MYO5B: variants seen among roughly 807,000 people sequenced by gnomAD.
MYO5B encodes the protein myosin VB.
A neutral mutation model predicts 229.3 loss-of-function variants in MYO5B; 143 were observed. The ratio of observed to expected loss-of-function variants is 0.62; its 90% CI spans 0.54 to 0.72. The LOEUF is 0.72. Ranked by LOEUF, MYO5B falls within the 30% of genes least tolerant of loss-of-function variation. The probability of loss-of-function intolerance (pLI) is 0.00; values close to 1 mark genes in which losing one functional copy is unlikely to be tolerated. For synonymous variants in MYO5B, 918 were observed against 885.2 expected (o/e 1.04, Z -0.66); for missense variants, 2,321 against 2,331.0 (o/e 1.00, Z 0.09).
chr18:49,990,655 T>C, intron 6 of MYO5B, 135 bp from the exon 7 acceptor site: 1 of 724,578 alleles, frequency 1.4e-6, no homozygotes, highest in Non-Finnish European at 2.5e-6. Context: ...TCCACACCTC[T>C]GCCACCTTCA....
rs202090244 is a variant in MYO5B at position 49,835,363 on chromosome 18, G to C, written c.5375C>G (p.Ala1792Gly). The C allele has an allele frequency of 1.2e-6, 2 of 1,610,364 alleles. No individual in the cohort carries two copies. Among genetic ancestry groups the C allele is most frequent in the African/African-American group, 2.7e-5 (2 of 74,930 alleles). The change falls in exon 39 of 40, where the codon GCC becomes GGC. Residue 1792 changes from alanine to glycine, a missense_variant. This residue lies in a region of MYO5B where 208 missense variants were observed against 286.3 expected (regional missense o/e 0.73). Transcript: ENST00000285039. ...ACTCACCTGGATTGTTCGTATAAAG[G>C]CCACTGTTACCCGTTCTTCAAATTC... is the stretch of plus-strand genomic sequence containing the variant. ...LNEFEERVTV[A>G]FIRTIQAQLQ...
intron 1 of MYO5B, among the ~76,000 whole-genome samples, chr18:50,103,512 G>C (rs111440059): frequency 3.9e-4 from 59 of 152,310 alleles, no homozygotes; most frequent in African/African-American, 1.4e-3. Flanking sequence ...CACTTTGGGA[G>C]GCCAAGGTGG....
chr18:50,029,276 G>T (rs2026363840), intron 4 of MYO5B, among the ~76,000 whole-genome samples: 1 of 152,184 alleles, frequency 6.6e-6, no homozygotes, highest in Non-Finnish European at 1.5e-5. Context: ...GAGAGACCCA[G>T]GTGAGCAGGG....
At chr18:50,131,498 A>G (rs2032254066) in intron 1 of MYO5B, among the ~76,000 whole-genome samples, 1 of 152,210 alleles carries the variant, frequency 6.6e-6, no homozygotes, top group African/African-American at 2.4e-5. Flanking sequence ...CTTCCTACAG[A>G]CACTTTCAAT....
At chr18:49,955,188 C>A (rs2025479361) in intron 12 of MYO5B, among the ~76,000 whole-genome samples, 1 of 152,258 alleles carries the variant, frequency 6.6e-6, no homozygotes, top group South Asian at 2.1e-4. Context: ...GCATCTCTCA[C>A]TGTCTAAAGT....
intron 1 of MYO5B, among the ~76,000 whole-genome samples, chr18:50,117,328 C>T (rs1275563859): frequency 6.6e-6 from 1 of 152,026 alleles, no homozygotes; most frequent in Non-Finnish European, 1.5e-5. Context: ...TTTATTTCTT[C>T]AAGGCTCTTC....
chr18:49,866,875 G>T (rs568435121), intron 27 of MYO5B, among the ~76,000 whole-genome samples: 1 of 152,306 alleles, frequency 6.6e-6, no homozygotes, highest in East Asian at 1.9e-4. Flanking sequence ...GACTCAGAGG[G>T]GTAGGGCCAG....
chr18:49,891,913 C>A (rs1448357793), intron 22 of MYO5B, among the ~76,000 whole-genome samples: 1 of 152,212 alleles, frequency 6.6e-6, no homozygotes, highest in Non-Finnish European at 1.5e-5. Context: ...GCCTGCTAGT[C>A]ATCTCTCACA....
At chr18:50,167,227 G>A (rs2032864996) in intron 1 of MYO5B, among the ~76,000 whole-genome samples, 1 of 152,196 alleles carries the variant, frequency 6.6e-6, no homozygotes, top group Non-Finnish European at 1.5e-5. Flanking sequence ...CTGCCTACTA[G>A]TGTAAATTCA....
intron 26 of MYO5B, among the ~76,000 whole-genome samples, chr18:49,874,861 G>A (rs1266750216): frequency 2.0e-5 from 3 of 152,134 alleles, no homozygotes; most frequent in Non-Finnish European, 2.9e-5. Context: ...CCTTAGCACT[G>A]CTATAGTCAA....
intron 9 of MYO5B, 98 bp downstream of exon 9, chr18:49,980,346 C>G (rs1003956183): frequency 1.1e-6 from 1 of 884,528 alleles, no homozygotes; most frequent in African/African-American, 1.7e-5. Flanking sequence ...GAATAAATAA[C>G]CTATGAGTGT....
intron 4 of MYO5B, among the ~76,000 whole-genome samples, chr18:50,023,210 T>C (rs755191533): frequency 6.6e-5 from 10 of 151,842 alleles, no homozygotes; most frequent in African/African-American, 2.2e-4. Context: ...TCTAAGAACA[T>C]TGCGTCATCA....
intron 1 of MYO5B, among the ~76,000 whole-genome samples, chr18:50,058,740 G>A (rs1275668858): frequency 6.6e-6 from 1 of 152,086 alleles, no homozygotes; most frequent in Admixed American, 6.5e-5. Context: ...GAGTCCGGGA[G>A]GCGGAGGTTG....
At position 50,194,846 on chromosome 18, in the gene MYO5B, C is replaced by A; in HGVS notation, c.-53G>T. The stretch of plus-strand genomic sequence containing the variant: ...CGGCTCCTGGCTGCCCCGCGGCTCT[C>A]AGTCCGCGGCTGGCCCGCCTGGCGC... On this transcript the variant is annotated 5_prime_UTR_variant, in exon 1 of 40. The change abolishes the stop of an existing upstream ORF in the 5' untranslated region. Transcript: ENST00000285039. 2 of 1,265,070 alleles carry A rather than the reference C, an allele frequency of 1.6e-6. No individual in the cohort carries two copies. The highest frequency in any genetic ancestry group is 3.0e-5 in the South Asian group (1 of 33,750). The allele number at this position is 1,265,070 out of a possible 1,614,324, so 78.4% of individuals were successfully genotyped here. A position where few individuals can be genotyped will look rare whatever the true frequency, so the allele number is the denominator to read the frequency against.
intron 16 of MYO5B, among the ~76,000 whole-genome samples, chr18:49,930,262 T>C (rs2025175066): frequency 6.6e-6 from 1 of 152,238 alleles, no homozygotes; most frequent in Non-Finnish European, 1.5e-5. Context: ...TTGTGTATGC[T>C]GTTAGCTATG....
In MYO5B at chr18:50,025,906, A is replaced by G. The variant is rs116533404; in HGVS notation, c.455+10944T>C. Among the ~76,000 whole-genome samples the G allele has an allele frequency of 1.7e-3, 252 of 152,372 alleles. 2 individuals are homozygous for G. The highest frequency in any genetic ancestry group is 5.9e-3 in the African/African-American group (244 of 41,590). On this transcript the variant is annotated intron_variant, in intron 4 of 39. Coordinates refer to ENST00000285039, the MANE Select transcript of MYO5B (RefSeq NM_001080467.3). ...ACTTTTGACATGCATCCCTATCAATAAAGAAAACTGTGAACATGCTTACAG... is the reference window on the plus strand; with the variant it reads ...ACTTTTGACATGCATCCCTATCAATGAAGAAAACTGTGAACATGCTTACAG...
At chr18:50,151,326 C>T (rs2032595261) in intron 1 of MYO5B, among the ~76,000 whole-genome samples, 2 of 152,196 alleles carry the variant, frequency 1.3e-5, no homozygotes, top group African/African-American at 4.8e-5. Context: ...AGTGGACTGA[C>T]TGCACGTCAC....
chr18:50,115,019 G>C (rs540599019), intron 1 of MYO5B, among the ~76,000 whole-genome samples: 42 of 152,356 alleles, frequency 2.8e-4, no homozygotes, highest in African/African-American at 9.6e-4. Context: ...GACGAAGCCA[G>C]AGGACAGCAC....
intron 16 of MYO5B, among the ~76,000 whole-genome samples, chr18:49,934,447 T>A (rs999963623): frequency 6.6e-6 from 1 of 152,224 alleles, no homozygotes; most frequent in African/African-American, 2.4e-5. Context: ...AAGTCCCCAG[T>A]GTCTTCTCTC....
Sources: gnomAD v4.1 joint callset for allele counts (sites outside exome capture counted in the v4.1 genomes callset) on GRCh38, gnomAD v4.1.1 for gene constraint, gnomAD v4.1.1 regional missense constraint, MANE v1.5 for transcripts, NCBI Gene and HGNC (gene_info 2026-07-23, HGNC 2026-07-21) for gene names.